The following BRD4 variants were observed in gnomAD, a reference collection of about 807,000 sequenced individuals.
BRD4 encodes bromodomain-containing protein 4.
BRD4 carries 16 observed loss-of-function variants against 142.1 expected under a neutral mutation model. That is an observed-to-expected ratio of 0.11 (90% CI 0.08 to 0.17). BRD4 has a LOEUF of 0.17. BRD4 is among the 10% of genes least tolerant of loss of function. BRD4 has a pLI of 1.00. For synonymous variants in BRD4, 833 were observed against 707.5 expected, an observed-to-expected ratio of 1.18 and a Z score of -2.82; for missense variants, 1,424 against 1,810.9, an observed-to-expected ratio of 0.79 and a Z score of 3.88.
chr19:15,257,429 G>A, intron 7 of BRD4: 1 of 530,912 alleles, frequency 1.9e-6, no homozygotes, highest in Non-Finnish European at 3.4e-6. Flanking sequence ...CTCACTCCCT[G>A]GAGGACACCG....
chr19:15,332,244 C>T (rs2048168400), intron 1 of BRD4, 46 bp downstream of exon 1: 1 of 147,690 alleles, frequency 6.8e-6, no homozygotes, highest in Non-Finnish European at 1.5e-5. Context: ...GAGCCTCCGC[C>T]AGCCGCCCAG....
intron 1 of BRD4, among the ~76,000 whole-genome samples, chr19:15,302,123 C>A (rs957711590): frequency 1.3e-5 from 2 of 151,432 alleles, no homozygotes; most frequent in African/African-American, 4.9e-5. Flanking sequence ...GCCAAGATTA[C>A]GCCACTGCCC....
At chr19:15,290,264 T>C (rs1245341613) in intron 1 of BRD4, among the ~76,000 whole-genome samples, 1 of 152,192 alleles carries the variant, frequency 6.6e-6, no homozygotes, top group Non-Finnish European at 1.5e-5. Flanking sequence ...ATTAAAAGTG[T>C]ATTCAAAGTC....
chr19:15,322,081 G>T (rs1464892144), intron 1 of BRD4, among the ~76,000 whole-genome samples: 3 of 152,066 alleles, frequency 2.0e-5, no homozygotes, highest in African/African-American at 7.2e-5. Context: ...GGAAACCAAT[G>T]TAATTCAACT....
chr19:15,327,522 CG>C (rs2048118981), intron 1 of BRD4, among the ~76,000 whole-genome samples: 1 of 151,396 alleles, frequency 6.6e-6, no homozygotes, highest in Admixed American at 6.6e-5. Flanking sequence ...CCAGCCTGGG[CG>C]ACACAGCAAG....
intron 1 of BRD4, among the ~76,000 whole-genome samples, chr19:15,308,316 C>T (rs2047935294): frequency 1.3e-5 from 2 of 149,462 alleles, no homozygotes; most frequent in African/African-American, 2.5e-5. Context: ...TGGCTGGGCG[C>T]GGTGGCTCAC....
chr19:15,276,331 G>GCCT (rs1272116899), intron 1 of BRD4, among the ~76,000 whole-genome samples: 2 of 152,236 alleles, frequency 1.3e-5, no homozygotes, highest in African/African-American at 4.8e-5. Flanking sequence ...TATGAGGTCA[G>GCCT]CCTCCTTGGG....
intron 11 of BRD4, among the ~76,000 whole-genome samples, chr19:15,251,579 C>T (rs1030424547): frequency 2.6e-5 from 4 of 151,970 alleles, no homozygotes; most frequent in African/African-American, 7.3e-5. Flanking sequence ...TCAGGGCTGC[C>T]GGGATTCCTG....
chr19:15,236,867 G>A lies in BRD4; in HGVS notation c.*1510C>T, dbSNP rs181931278. On this transcript the variant is annotated 3_prime_UTR_variant, in exon 20 of 20. Coordinates refer to ENST00000679869, the MANE Select transcript of BRD4 (RefSeq NM_001379291.1). ...AAAAAGAGAGATGTGTTTATTCCAT[G>A]ATCAGTACAGACCAAATGCATATTC... 1 of 194,822 alleles carries A rather than the reference G, an allele frequency of 5.1e-6. No individual in the cohort carries two copies. Among genetic ancestry groups the A allele is most frequent in the South Asian group, 1.9e-4 (1 of 5,164 alleles). 12.1% of individuals were successfully genotyped at this position (194,822 alleles called of 1,614,324 possible).
intron 1 of BRD4, among the ~76,000 whole-genome samples, chr19:15,280,701 C>T (rs1279665047): frequency 1.3e-5 from 2 of 152,196 alleles, no homozygotes; most frequent in South Asian, 2.1e-4. Flanking sequence ...CAACTGACTA[C>T]AGCCCCTCAT....
chr19:15,267,561 G>A lies in BRD4; in HGVS notation c.424-10C>T, dbSNP rs930758424. 23 of 1,612,056 alleles carry A rather than the reference G, an allele frequency of 1.4e-5. No homozygotes were observed. The highest frequency in any genetic ancestry group is 1.9e-5 in the Non-Finnish European group (23 of 1,179,830). ...CTATGTCATCTCCAGGCTGGATAAG[G>A]AGACACAGGGGTAGAGTCAGAGGGC... is the stretch of plus-strand genomic sequence containing the variant. On this transcript the variant is annotated splice_polypyrimidine_tract_variant and intron_variant, in intron 3 of 19. Coordinates refer to ENST00000679869, the MANE Select transcript of BRD4 (RefSeq NM_001379291.1).
At chr19:15,277,619 C>CAAAAAA (rs67961221) in intron 1 of BRD4, among the ~76,000 whole-genome samples, 1 of 96,024 alleles carries the variant, frequency 1.0e-5, no homozygotes, top group Non-Finnish European at 2.1e-5. Context: ...CTATCTCTAC[C>CAAAAAA]AAAAAAAAAA....
chr19:15,269,779 A>T (rs758676356), intron 2 of BRD4, among the ~76,000 whole-genome samples: 45 of 152,262 alleles, frequency 3.0e-4, no homozygotes, highest in Admixed American at 1.0e-3. Context: ...ACTAAGTGCC[A>T]AACAGAAGGA....
chr19:15,244,166 ACAC>A (rs1040217607), intron 13 of BRD4, 62 bp downstream of exon 13: 106 of 1,534,654 alleles, frequency 6.9e-5, no homozygotes, highest in Middle Eastern at 2.3e-4. Flanking sequence ...GAGTGCTCGG[ACAC>A]CACATGGGTA....
rs200576734 is a variant in BRD4, at chr19:15,244,541, C to T, written c.2271G>A (p.Pro757=). The T allele has an allele frequency of 3.3e-5, 49 of 1,476,810 alleles. 1 individual carries two copies. Among genetic ancestry groups the T allele is most frequent in the East Asian group, 2.8e-4 (11 of 38,632 alleles). 91.5% of individuals were successfully genotyped at this position (1,476,810 alleles called of 1,614,324 possible). The change falls in exon 13 of 20, where the codon CCG becomes CCA. Residue 757 remains proline (P), a synonymous_variant. Transcript: ENST00000679869. ...GTGGGGGCTGCTGGGGAGGCGGGGG[C>T]GGCTGCTGGGGCACAGGAGCCGGGG... ...QQAPAPVPQQ[P]PPPPQQPPPP...
chr19:15,326,153 T>C lies in BRD4; in HGVS notation c.-35+6137A>G, dbSNP rs937554553. On this transcript the variant is annotated intron_variant, in intron 1 of 19. Coordinates refer to ENST00000679869, the MANE Select transcript of BRD4 (RefSeq NM_001379291.1). ...TTTGGAAATGTTCACAATGTAGCATTAAAAAAAAAAAAAAAAAAAAAGGCC... is the reference window on the plus strand; with the variant it reads ...TTTGGAAATGTTCACAATGTAGCATCAAAAAAAAAAAAAAAAAAAAAGGCC... 1.7e-4 allele frequency among the ~76,000 whole-genome samples: 17 copies of C among 100,922 alleles called. No individual in the cohort carries two copies. In the East Asian group the frequency reaches 4.5e-3, roughly 27 times the overall value. The allele number at this position is 100,922 out of a possible 152,430, so 66.2% of individuals were successfully genotyped here. A position where few individuals can be genotyped will look rare whatever the true frequency, so the allele number is the denominator to read the frequency against.
chr19:15,241,080 C>T (rs1428722921), intron 14 of BRD4, among the ~76,000 whole-genome samples: 2 of 152,246 alleles, frequency 1.3e-5, no homozygotes, highest in Admixed American at 1.3e-4. Context: ...GAAGACACTG[C>T]AGCTGCTTGG....
At position 15,262,582 on chromosome 19, in the gene BRD4, G is replaced by A. The variant is rs556687112; in HGVS notation, c.1341+838C>T. On this transcript the variant is annotated intron_variant, in intron 7 of 19. Coordinates refer to ENST00000679869, the MANE Select transcript of BRD4 (RefSeq NM_001379291.1). ...AAATAAACGAGGCAAAATTAGCTGG[G>A]CATGGTGGTGCAAGCCTGTAGTCCT... 2.2e-3 allele frequency among the ~76,000 whole-genome samples: 328 copies of A among 151,324 alleles called. 1 individual carries two copies. The highest frequency in any genetic ancestry group is 3.6e-3 in the Non-Finnish European group (241 of 67,830).
At chr19:15,332,258 C>A in intron 1 of BRD4, 32 bp downstream of exon 1, 1 of 147,780 alleles carries the variant, frequency 6.8e-6, no homozygotes, top group South Asian at 1.8e-4. Context: ...CGCCCAGTGT[C>A]GTCCGCCGCC....
Sources: gnomAD v4.1 joint callset for allele counts (sites outside exome capture counted in the v4.1 genomes callset) on GRCh38, gnomAD v4.1.1 for gene constraint, MANE v1.5 for transcripts, NCBI Gene and HGNC (gene_info 2026-07-23, HGNC 2026-07-21) for gene names.